PXDNL: variants seen among roughly 807,000 people sequenced by gnomAD.
PXDNL encodes probable oxidoreductase PXDNL.
In PXDNL, 145 loss-of-function variants were observed where a neutral mutation model predicts 150.8. That is an observed-to-expected ratio of 0.96 (90% CI 0.84 to 1.10). The LOEUF is 1.10. PXDNL is among the 50% of genes least tolerant of loss of function. The pLI is 0.00. For missense variants in PXDNL, 2,087 were observed against 1,873.9 expected (o/e 1.11, Z -2.10); for synonymous variants, 757 against 725.7 (o/e 1.04, Z -0.69).
intron 1 of PXDNL, among the ~76,000 whole-genome samples, chr8:51,691,642 T>C (rs1442285887): frequency 6.6e-6 from 1 of 151,922 alleles, no homozygotes; most frequent in Non-Finnish European, 1.5e-5. Context: ...AGGAAGGTCA[T>C]GAAAAGTCAT....
At chr8:51,389,244 T>C (rs1807819671) in intron 17 of PXDNL, among the ~76,000 whole-genome samples, 1 of 152,212 alleles carries the variant, frequency 6.6e-6, no homozygotes, top group Non-Finnish European at 1.5e-5. Flanking sequence ...AGGGGTTTCA[T>C]GTGCCCCTGG....
intron 17 of PXDNL, among the ~76,000 whole-genome samples, chr8:51,396,535 T>C (rs1384890690): frequency 6.6e-6 from 1 of 152,144 alleles, no homozygotes; most frequent in Non-Finnish European, 1.5e-5. Context: ...GGCAGGTGGA[T>C]CACCTGAGGT....
At chr8:51,711,190 G>T (rs1431957727) in intron 1 of PXDNL, among the ~76,000 whole-genome samples, 1 of 152,118 alleles carries the variant, frequency 6.6e-6, no homozygotes, top group Non-Finnish European at 1.5e-5. Flanking sequence ...ACCCAGGCGG[G>T]AGTGCAATGG....
intron 5 of PXDNL, among the ~76,000 whole-genome samples, chr8:51,485,939 G>A (rs931704991): frequency 1.3e-5 from 2 of 152,176 alleles, no homozygotes; most frequent in African/African-American, 4.8e-5. Context: ...GTTTCATGAT[G>A]GAGAAACAGC....
chr8:51,434,399 C>T (rs971096429), intron 12 of PXDNL, among the ~76,000 whole-genome samples: 1 of 152,150 alleles, frequency 6.6e-6, no homozygotes, highest in Non-Finnish European at 1.5e-5. Flanking sequence ...TGGCCCTATG[C>T]CTTGTTGCTT....
intron 1 of PXDNL, among the ~76,000 whole-genome samples, chr8:51,803,897 T>C (rs957463314): frequency 5.3e-5 from 8 of 152,312 alleles, no homozygotes; most frequent in Middle Eastern, 3.4e-3. Flanking sequence ...TGAGCTTATA[T>C]ATTTCTGAGC....
intron 21 of PXDNL, among the ~76,000 whole-genome samples, chr8:51,338,277 C>T: frequency 6.6e-6 from 1 of 152,028 alleles, no homozygotes; most frequent in Non-Finnish European, 1.5e-5. Context: ...CTGATACAGA[C>T]CACAGCTGCA....
intron 2 of PXDNL, among the ~76,000 whole-genome samples, chr8:51,644,090 G>A (rs1814845848): frequency 2.6e-5 from 4 of 151,568 alleles, no homozygotes; most frequent in African/African-American, 9.7e-5. Context: ...AGCTTACAGT[G>A]AGCCGAGATC....
At chr8:51,484,325 C>T (rs1454645948) in intron 5 of PXDNL, among the ~76,000 whole-genome samples, 1 of 151,536 alleles carries the variant, frequency 6.6e-6, no homozygotes, top group Non-Finnish European at 1.5e-5. Context: ...ATCCCAGCTA[C>T]TCCAGAGGCT....
At chr8:51,346,554 C>T (rs1433486822) in intron 19 of PXDNL, among the ~76,000 whole-genome samples, 1 of 152,152 alleles carries the variant, frequency 6.6e-6, no homozygotes, top group Non-Finnish European at 1.5e-5. Flanking sequence ...GTACGGATAT[C>T]CCCCTCAAAC....
intron 2 of PXDNL, among the ~76,000 whole-genome samples, chr8:51,612,424 ACT>A: frequency 6.6e-6 from 1 of 151,902 alleles, no homozygotes; most frequent in South Asian, 2.1e-4. Flanking sequence ...TCTCCACGCA[ACT>A]CTCTCTGCAT....
chr8:51,721,795 C>CTG, intron 1 of PXDNL: 1 of 348,602 alleles, frequency 2.9e-6, no homozygotes, highest in South Asian at 2.8e-5. Context: ...TTTGGTGGAG[C>CTG]TCCAGCCAGC....
intron 1 of PXDNL, among the ~76,000 whole-genome samples, chr8:51,779,193 A>T (rs1177784218): frequency 1.3e-5 from 2 of 152,372 alleles, no homozygotes; most frequent in East Asian, 3.9e-4. Context: ...GCTTCCCATC[A>T]GTACACAAGC....
chr8:51,696,369 G>A (rs548100701), intron 1 of PXDNL, among the ~76,000 whole-genome samples: 25 of 152,164 alleles, frequency 1.6e-4, no homozygotes, highest in Admixed American at 4.6e-4. Context: ...AAGAGAAGGC[G>A]GCCGTCTGCA....
chr8:51,477,458 A>T lies in PXDNL; in HGVS notation c.525-2317T>A. Among the ~76,000 whole-genome samples the T allele has an allele frequency of 1.3e-5, 2 of 152,254 alleles. 1 individual carries two copies. The highest frequency in any genetic ancestry group is 2.9e-5 in the Non-Finnish European group (2 of 68,052). On this transcript the variant is annotated intron_variant, in intron 6 of 22. Coordinates refer to ENST00000356297, the MANE Select transcript of PXDNL (RefSeq NM_144651.5). ...AAGTCAACTAGCCCTTGTTCAGGACAGCGCTGTTGGTTCAGTGGGCCTCGG... is the reference window on the plus strand; with the variant it reads ...AAGTCAACTAGCCCTTGTTCAGGACTGCGCTGTTGGTTCAGTGGGCCTCGG...
chr8:51,762,359 C>T (rs1322147332), intron 1 of PXDNL, among the ~76,000 whole-genome samples: 1 of 152,190 alleles, frequency 6.6e-6, no homozygotes, highest in Non-Finnish European at 1.5e-5. Flanking sequence ...CCCCTTCCCC[C>T]TTTGTATTCC....
At chr8:51,672,579 A>G (rs7007741) in intron 1 of PXDNL, among the ~76,000 whole-genome samples, 120,017 of 152,060 alleles carry the variant, frequency 0.79, 47,467 homozygotes, top group East Asian at 0.85. Flanking sequence ...TATGTTGCCT[A>G]TTACAGTCAT....
intron 2 of PXDNL, among the ~76,000 whole-genome samples, chr8:51,615,421 T>C (rs960397946): frequency 6.6e-6 from 1 of 152,212 alleles, no homozygotes; most frequent in Admixed American, 6.5e-5. Context: ...ATTTCTGTGA[T>C]GTCAGACTAC....
intron 1 of PXDNL, among the ~76,000 whole-genome samples, chr8:51,757,808 T>C (rs2037118227): frequency 6.6e-6 from 1 of 152,210 alleles, no homozygotes; most frequent in African/African-American, 2.4e-5. Flanking sequence ...CCTCTGAATG[T>C]CTTTGGTTTT....
Sources: gnomAD v4.1 joint callset for allele counts (sites outside exome capture counted in the v4.1 genomes callset) on GRCh38, gnomAD v4.1.1 for gene constraint, MANE v1.5 for transcripts, NCBI Gene and HGNC (gene_info 2026-07-23, HGNC 2026-07-21) for gene names.